PHIP: variants seen among roughly 807,000 people sequenced by gnomAD.
The protein encoded by PHIP is PH-interacting protein.
PHIP carries 54 observed loss-of-function variants against 236.8 expected under a neutral mutation model. The observed-to-expected ratio is 0.23, with a 90% CI of 0.18 to 0.29. The LOEUF (loss-of-function observed/expected upper bound fraction) is 0.29, where lower values mean the gene tolerates loss of function less well. PHIP is among the 10% of genes least tolerant of loss of function. The probability of loss-of-function intolerance (pLI) is 1.00; values close to 1 mark genes in which losing one functional copy is unlikely to be tolerated. For missense variants in PHIP, 1,370 were observed against 2,190.8 expected (o/e 0.63, Z 7.48); for synonymous variants, 756 against 718.9 (o/e 1.05, Z -0.83).
At chr6:78,970,945 C>A (rs945752898) in intron 24 of PHIP, 57 bp from the exon 25 acceptor site, 11 of 1,145,590 alleles carry the variant, frequency 9.6e-6, no homozygotes, top group Non-Finnish European at 1.4e-5. Flanking sequence ...ATCCAATATA[C>A]AGGGTATCAG....
rs1451672652 is a variant in PHIP at position 79,053,859 on chromosome 6, G to T, written c.439+6619C>A. 2.0e-5 allele frequency among the ~76,000 whole-genome samples: 3 copies of T among 152,122 alleles called. No individual in the cohort carries two copies. The East Asian group carries it at 5.8e-4, about 29-fold the overall frequency. On this transcript the variant is annotated intron_variant, in intron 6 of 39. Coordinates refer to ENST00000275034, the MANE Select transcript of PHIP (RefSeq NM_017934.7). ...GAATTGCTTGCCAGATGGTTTATATGAAGTGGAGGGGATATCCCTCATCAC... is the reference window on the plus strand; with the variant it reads ...GAATTGCTTGCCAGATGGTTTATATTAAGTGGAGGGGATATCCCTCATCAC...
intron 4 of PHIP, among the ~76,000 whole-genome samples, chr6:79,073,948 T>C (rs573967338): frequency 6.6e-6 from 1 of 152,306 alleles, no homozygotes; most frequent in African/African-American, 2.4e-5. Context: ...TACAATGTAC[T>C]GCTATTTCTA....
chr6:79,034,303 G>A (rs1771823986), intron 7 of PHIP, among the ~76,000 whole-genome samples: 1 of 152,328 alleles, frequency 6.6e-6, no homozygotes, highest in Non-Finnish European at 1.5e-5. Context: ...CCTAGGCAGT[G>A]TCTAGTAACA....
At chr6:79,000,061 C>T (rs1362498376) in intron 17 of PHIP, among the ~76,000 whole-genome samples, 1 of 151,928 alleles carries the variant, frequency 6.6e-6, no homozygotes, top group East Asian at 1.9e-4. Flanking sequence ...CTATTTTTCC[C>T]TAACTCTGAG....
intron 6 of PHIP, among the ~76,000 whole-genome samples, chr6:79,045,658 T>C (rs546807809): frequency 1.2e-4 from 19 of 152,248 alleles, no homozygotes; most frequent in African/African-American, 4.6e-4. Context: ...ACCAATTAAT[T>C]TGAGTAAAAA....
intron 20 of PHIP, 39 bp from the exon 21 acceptor site, chr6:78,988,388 A>AAACC (rs1769000463): frequency 1.4e-6 from 2 of 1,454,296 alleles, no homozygotes; most frequent in African/African-American, 2.9e-5. Context: ...CAGATTGTTT[A>AAACC]AAGAGCAGGA....
chr6:79,033,359 C>T (rs1344084259), intron 7 of PHIP, among the ~76,000 whole-genome samples: 1 of 152,112 alleles, frequency 6.6e-6, no homozygotes, highest in African/African-American at 2.4e-5. Context: ...TGTATTTTTC[C>T]AATACACAGC....
chr6:79,001,369 T>C (rs917506529), intron 17 of PHIP, among the ~76,000 whole-genome samples: 3 of 152,040 alleles, frequency 2.0e-5, no homozygotes, highest in African/African-American at 7.2e-5. Flanking sequence ...CCTTTAAAAG[T>C]TGGTAACTTT....
At chr6:78,963,441 A>G (rs1450691668) in intron 29 of PHIP, among the ~76,000 whole-genome samples, 189 bp from the exon 30 acceptor site, 1 of 152,196 alleles carries the variant, frequency 6.6e-6, no homozygotes, top group Non-Finnish European at 1.5e-5. Flanking sequence ...TTTAAATGAT[A>G]CTATAAGTAA....
At chr6:79,024,575 T>C (rs1051074575) in intron 9 of PHIP, among the ~76,000 whole-genome samples, 1 of 151,976 alleles carries the variant, frequency 6.6e-6, no homozygotes, top group Admixed American at 6.6e-5. Context: ...GAGGCCGAGG[T>C]GGGCGGATCA....
rs1251270103 is a variant in PHIP at position 78,936,084 on chromosome 6, G to C, written c.*4609C>G. On this transcript the variant is annotated 3_prime_UTR_variant, in exon 40 of 40. Coordinates refer to ENST00000275034, the MANE Select transcript of PHIP (RefSeq NM_017934.7). ...ACTGCTATTCTGGTGTGAAACTGCT[G>C]TTTATAATATGATACTCCAGGTTCG... 6.6e-6 allele frequency: 1 copy of C among 151,834 alleles called. No homozygotes were observed. The highest frequency in any genetic ancestry group is 1.5e-5 in the Non-Finnish European group (1 of 67,800). The allele number at this position is 151,834 out of a possible 1,614,324, so 9.4% of individuals were successfully genotyped here. A position where few individuals can be genotyped will look rare whatever the true frequency, so the allele number is the denominator to read the frequency against.
chr6:79,015,026 T>C, intron 15 of PHIP, 56 bp downstream of exon 15: 1 of 1,463,378 alleles, frequency 6.8e-7, no homozygotes, highest in East Asian at 2.3e-5. Flanking sequence ...CAGAGTACCT[T>C]TGTCAAAAAG....
chr6:79,060,314 C>T (rs535838911), intron 6 of PHIP, among the ~76,000 whole-genome samples, 164 bp downstream of exon 6: 10 of 152,170 alleles, frequency 6.6e-5, no homozygotes, highest in African/African-American at 2.4e-4. Flanking sequence ...ATGACTTTTT[C>T]ACTATTAAAA....
intron 36 of PHIP, among the ~76,000 whole-genome samples, chr6:78,947,232 T>C (rs926089681): frequency 1.6e-4 from 24 of 152,330 alleles, no homozygotes; most frequent in African/African-American, 5.8e-4. Context: ...TCTCATTTCG[T>C]TGCTATATAG....
At chr6:79,041,815 T>C (rs141963434) in intron 7 of PHIP, among the ~76,000 whole-genome samples, 4 of 152,132 alleles carry the variant, frequency 2.6e-5, no homozygotes, top group African/African-American at 9.6e-5. Flanking sequence ...CTGAGGTAGA[T>C]TAGAGCCAAG....
At position 79,015,795 on chromosome 6, in the gene PHIP, G is replaced by C; in HGVS notation, c.1236-12C>G. The C allele has an allele frequency of 6.2e-7, 1 of 1,602,324 alleles. No individual in the cohort carries two copies. The highest frequency in any genetic ancestry group is 1.1e-5 in the South Asian group (1 of 89,432). On this transcript the variant is annotated splice_polypyrimidine_tract_variant and intron_variant, in intron 13 of 39. Transcript: ENST00000275034. ...CTTGAAGGTTTTGGCTGAAAGTGAGGAAGTGTTTTACACTGACTATTAAAA... is the reference window on the plus strand; with the variant it reads ...CTTGAAGGTTTTGGCTGAAAGTGAGCAAGTGTTTTACACTGACTATTAAAA...
chr6:79,072,662 A>C (rs1437350788), intron 4 of PHIP, among the ~76,000 whole-genome samples: 1 of 150,374 alleles, frequency 6.7e-6, no homozygotes, highest in Non-Finnish European at 1.5e-5. Flanking sequence ...TTTTTTTTTT[A>C]GTTTTTGTAG....
chr6:79,063,955 C>T (rs1282588727), intron 4 of PHIP, among the ~76,000 whole-genome samples: 1 of 152,070 alleles, frequency 6.6e-6, no homozygotes, highest in Non-Finnish European at 1.5e-5. Context: ...TGCTATTATC[C>T]TCTCTTTCCC....
chr6:79,045,222 G>A (rs896007751), intron 6 of PHIP, among the ~76,000 whole-genome samples: 10 of 152,064 alleles, frequency 6.6e-5, no homozygotes, highest in African/African-American at 2.4e-4. Flanking sequence ...AAGAACATAC[G>A]TAGATTCCCA....
Sources: gnomAD v4.1 joint callset for allele counts (sites outside exome capture counted in the v4.1 genomes callset) on GRCh38, gnomAD v4.1.1 for gene constraint, MANE v1.5 for transcripts, NCBI Gene and HGNC (gene_info 2026-07-23, HGNC 2026-07-21) for gene names.